ASB5: variants seen among roughly 807,000 people sequenced by gnomAD.
ASB5 encodes ankyrin repeat and SOCS box protein 5.
A neutral mutation model predicts 42.1 loss-of-function variants in ASB5; 45 were observed. The ratio of observed to expected loss-of-function variants is 1.07; its 90% CI spans 0.84 to 1.37. The LOEUF (loss-of-function observed/expected upper bound fraction) is 1.37, where lower values mean the gene tolerates loss of function less well. ASB5 is among the 40% of genes most tolerant of loss of function. The pLI, the probability that ASB5 is intolerant of heterozygous loss-of-function variation, is 0.00. For missense variants in ASB5, 402 were observed against 399.8 expected, an observed-to-expected ratio of 1.01 and a Z score of -0.05; for synonymous variants, 147 against 150.6, an observed-to-expected ratio of 0.98 and a Z score of 0.18.
Position 176,227,874 on chromosome 4 carries a change from C to T in ASB5, c.197-2533G>A, listed in dbSNP as rs562519380. Among the ~76,000 whole-genome samples, 12 of 152,214 alleles carry T rather than the reference C, an allele frequency of 7.9e-5. No homozygotes were observed. In the South Asian group the frequency reaches 1.5e-3, roughly 18 times the overall value. On this transcript the variant is annotated intron_variant, in intron 1 of 6. Coordinates refer to ENST00000296525, the MANE Select transcript of ASB5 (RefSeq NM_080874.4). ...ATACATCTCTCTGGGACATTTTGTT[C>T]CTGTCATTGATTTCATTACTGTATT...
intron 1 of ASB5, among the ~76,000 whole-genome samples, chr4:176,260,963 C>A (rs1453780475): frequency 6.6e-6 from 1 of 152,218 alleles, no homozygotes; most frequent in African/African-American, 2.4e-5. Flanking sequence ...GCGTGAGCCA[C>A]CACGTCGGCA....
intron 6 of ASB5, among the ~76,000 whole-genome samples, 194 bp from the exon 7 acceptor site, chr4:176,215,921 A>C (rs1375325772): frequency 6.6e-6 from 1 of 152,120 alleles, no homozygotes; most frequent in Non-Finnish European, 1.5e-5. Flanking sequence ...ATTGAGATAT[A>C]TTCCATATAC....
chr4:176,225,165 A>C, intron 2 of ASB5, 97 bp downstream of exon 2: 1 of 930,262 alleles, frequency 1.1e-6, no homozygotes, highest in Non-Finnish European at 1.6e-6. Context: ...GCAGAAGTAA[A>C]ATGTAAGTGG....
At chr4:176,263,021 G>T (rs1407020734) in intron 1 of ASB5, among the ~76,000 whole-genome samples, 2 of 152,170 alleles carry the variant, frequency 1.3e-5, no homozygotes. Context: ...TAGTCTAATG[G>T]AAGATGTTTG....
intron 1 of ASB5, among the ~76,000 whole-genome samples, chr4:176,250,136 G>A (rs541840659): frequency 2.6e-5 from 4 of 152,110 alleles, no homozygotes; most frequent in African/African-American, 7.2e-5. Context: ...GCCACAGGGA[G>A]TGTCCTAAAA....
At chr4:176,274,040 TCTG>T (rs1234746555), upstream of ASB5, among the ~76,000 whole-genome samples, 3 of 152,212 alleles carry the variant, frequency 2.0e-5, no homozygotes, top group Non-Finnish European at 4.4e-5. Flanking sequence ...TTCTGGGACT[TCTG>T]CTGGAGTTTT....
intron 1 of ASB5, among the ~76,000 whole-genome samples, chr4:176,262,858 C>G (rs1046819322): frequency 1.3e-5 from 2 of 152,162 alleles, no homozygotes; most frequent in Non-Finnish European, 2.9e-5. Flanking sequence ...CCTAGGAAAA[C>G]TGATCCCTCC....
chr4:176,222,534 C>T (rs1402886725), intron 2 of ASB5, 114 bp from the exon 3 acceptor site: 23 of 978,386 alleles, frequency 2.4e-5, no homozygotes, highest in South Asian at 4.4e-5. Flanking sequence ...CTCAGGCAAA[C>T]GAGTTTCCAG....
At chr4:176,235,828 AT>A (rs538808463) in intron 1 of ASB5, among the ~76,000 whole-genome samples, 19 of 150,546 alleles carry the variant, frequency 1.3e-4, no homozygotes, top group Middle Eastern at 3.4e-3. Flanking sequence ...GCATGGGGGC[AT>A]TTTTTTTATT....
chr4:176,270,074 C>A (rs1338864177), upstream of ASB5, among the ~76,000 whole-genome samples: 2 of 151,986 alleles, frequency 1.3e-5, no homozygotes, highest in African/African-American at 4.8e-5. Flanking sequence ...ATATAGGTAT[C>A]CTTAGGCAAC....
intron 1 of ASB5, among the ~76,000 whole-genome samples, chr4:176,249,013 CT>C (rs1753966128): frequency 6.6e-6 from 1 of 152,200 alleles, no homozygotes; most frequent in African/African-American, 2.4e-5. Flanking sequence ...GTCGCCCAGG[CT>C]AGAGTACAGT....
intron 1 of ASB5, among the ~76,000 whole-genome samples, chr4:176,265,972 A>G (rs1445293534): frequency 1.3e-5 from 2 of 152,184 alleles, no homozygotes; most frequent in Non-Finnish European, 2.9e-5. Flanking sequence ...ATAGATTTGT[A>G]AAGTTTAATG....
At chr4:176,240,057 T>A (rs1281821785) in intron 1 of ASB5, among the ~76,000 whole-genome samples, 3 of 152,164 alleles carry the variant, frequency 2.0e-5, no homozygotes, top group Admixed American at 1.3e-4. Context: ...GGGACAGAAT[T>A]GTTTAAATGC....
At chr4:176,275,473 T>A (rs768733858) in intron 2 of ASB5, among the ~76,000 whole-genome samples, 2 of 152,228 alleles carry the variant, frequency 1.3e-5, no homozygotes, top group Non-Finnish European at 2.9e-5. Context: ...CATGTTCTTA[T>A]TAGACTTATA....
intron 1 of ASB5, among the ~76,000 whole-genome samples, chr4:176,266,362 A>G (rs529452709): frequency 6.6e-6 from 1 of 152,288 alleles, no homozygotes; most frequent in East Asian, 1.9e-4. Flanking sequence ...GAGAAACCCA[A>G]TTCAAAGTGG....
chr4:176,244,202 T>C (rs1368524953), intron 1 of ASB5, among the ~76,000 whole-genome samples: 1 of 152,210 alleles, frequency 6.6e-6, no homozygotes, highest in Non-Finnish European at 1.5e-5. Context: ...TTTAAAACAC[T>C]GTGCCTAAAA....
intron 1 of ASB5, chr4:176,237,556 T>G: frequency 1.0e-6 from 1 of 985,674 alleles, no homozygotes; most frequent in Non-Finnish European, 1.2e-6. Flanking sequence ...GTGTGCTAAC[T>G]TGAGATGTCT....
intron 1 of ASB5, among the ~76,000 whole-genome samples, chr4:176,252,442 C>T (rs1010264310): frequency 6.6e-6 from 1 of 152,220 alleles, no homozygotes; most frequent in African/African-American, 2.4e-5. Context: ...TTTCTCCCTT[C>T]CTCTTTCCCT....
chr4:176,224,535 AT>A (rs35805695), intron 2 of ASB5, among the ~76,000 whole-genome samples: 75,553 of 123,458 alleles, frequency 0.61, 19,343 homozygotes, highest in East Asian at 0.67. Flanking sequence ...GTGCCCAGCT[AT>A]TTTTTTTTTA....
Sources: gnomAD v4.1 joint callset for allele counts (sites outside exome capture counted in the v4.1 genomes callset) on GRCh38, gnomAD v4.1.1 for gene constraint, MANE v1.5 for transcripts, NCBI Gene and HGNC (gene_info 2026-07-23, HGNC 2026-07-21) for gene names.